The following DMD variants were observed in gnomAD, a reference collection of about 807,000 sequenced individuals.
The protein encoded by DMD is mutant dystrophin.
DMD carries 63 observed loss-of-function variants against 330.1 expected under a neutral mutation model. The ratio of observed to expected loss-of-function variants is 0.19; its 90% confidence interval spans 0.16 to 0.24. The LOEUF is 0.24. DMD is among the 10% of genes least tolerant of loss of function. The pLI is 1.00. For synonymous variants in DMD, 1,223 were observed against 959.8 expected, an observed-to-expected ratio of 1.27 and a Z score of -5.07; for missense variants, 3,344 against 2,684.1, an observed-to-expected ratio of 1.25 and a Z score of -5.43.
chrX:31,956,053 T>C (rs1159036366), intron 45 of DMD, among the ~76,000 whole-genome samples: 1 of 87,687 alleles, frequency 1.1e-5, no homozygotes. Flanking sequence ...AGATCTTCCA[T>C]GAAGTCCCTT....
intron 1 of DMD, among the ~76,000 whole-genome samples, chrX:33,107,300 G>A (rs1223514051): frequency 2.8e-5 from 2 of 71,340 alleles, no homozygotes; most frequent in African/African-American, 5.5e-5. Context: ...CAACAAGAGC[G>A]AAGCTCTGTC....
At chrX:33,048,757 A>C (rs1216719873) in intron 1 of DMD, among the ~76,000 whole-genome samples, 4 of 107,384 alleles carry the variant, frequency 3.7e-5, no homozygotes, top group African/African-American at 1.4e-4. Context: ...AATGAATGAG[A>C]ACTGGTAAAC....
chrX:32,044,541 C>G (rs1430032076), intron 44 of DMD, among the ~76,000 whole-genome samples: 1 of 110,462 alleles, frequency 9.1e-6, no homozygotes, highest in East Asian at 2.8e-4. Flanking sequence ...CCTGCCTCAG[C>G]CTCCCAAGTA....
Position 32,079,331 on chromosome X carries a change from C to T in DMD, c.6439-110817G>A, listed in dbSNP as rs761828206. 7.2e-5 allele frequency among the ~76,000 whole-genome samples: 8 copies of T among 111,587 alleles called. No homozygotes were observed. In the East Asian group the frequency reaches 1.7e-3, roughly 24 times the overall value. On this transcript the variant is annotated intron_variant, in intron 44 of 78. Transcript: ENST00000357033. The stretch of plus-strand genomic sequence containing the variant: ...GTCCTTGCTTGGGCCTGGTGGGTCA[C>T]GCCTGTAAATCCCAGCACTTTGGGA...
chrX:32,520,330 C>A (rs1459633934), intron 17 of DMD, among the ~76,000 whole-genome samples: 1 of 112,002 alleles, frequency 8.9e-6, no homozygotes, highest in Non-Finnish European at 1.9e-5. Context: ...TATTTGATTA[C>A]CTACCCAAAC....
At chrX:32,963,755 G>T (rs1244343624) in intron 2 of DMD, among the ~76,000 whole-genome samples, 3 of 111,171 alleles carry the variant, frequency 2.7e-5, no homozygotes, top group Non-Finnish European at 5.7e-5. Flanking sequence ...GAGAAGTTGG[G>T]GTCAACCAAA....
intron 44 of DMD, among the ~76,000 whole-genome samples, chrX:32,078,652 A>G (rs62590030): frequency 0.28 from 31,400 of 111,014 alleles, 4,365 homozygotes; most frequent in African/African-American, 0.54. Flanking sequence ...CATTAGTGGT[A>G]CTCCTGCCTA....
At chrX:32,548,668 G>A (rs1000129316) in intron 16 of DMD, among the ~76,000 whole-genome samples, 6 of 111,820 alleles carry the variant, frequency 5.4e-5, no homozygotes, top group African/African-American at 1.9e-4. Flanking sequence ...GTATATTTCT[G>A]TATTCCTTTA....
At chrX:32,537,023 A>G (rs1241085680) in intron 17 of DMD, among the ~76,000 whole-genome samples, 1 of 111,785 alleles carries the variant, frequency 8.9e-6, no homozygotes, top group Non-Finnish European at 1.9e-5. Context: ...GTAGAAAAAA[A>G]TAACAAACTA....
intron 53 of DMD, among the ~76,000 whole-genome samples, chrX:31,673,001 C>T (rs1173326857): frequency 8.9e-6 from 1 of 112,344 alleles, no homozygotes; most frequent in Non-Finnish European, 1.9e-5. Context: ...ATCTCTAAGT[C>T]GGGCCAAATA....
In DMD at chrX:32,310,707, C is replaced by T. The variant is rs533655895; in HGVS notation, c.5923-431G>A. The stretch of plus-strand genomic sequence containing the variant: ...ATATCTGTTTTATTCCTAACACAGG[C>T]AACTTTCCTGTATCTATAGGAAAGT... On this transcript the variant is annotated intron_variant, in intron 41 of 78. Transcript: ENST00000357033. 6.3e-5 allele frequency among the ~76,000 whole-genome samples: 7 copies of T among 110,401 alleles called. No individual in the cohort carries two copies. In the South Asian group the frequency reaches 1.9e-3, roughly 30 times the overall value.
chrX:33,041,283 CAGCCTGCGCATGCGCGCCGGCGACCA>C, intron 1 of DMD: 1 of 753,119 alleles, frequency 1.3e-6, no homozygotes, highest in Non-Finnish European at 2.0e-6. Context: ...AGTGGCCGCG[CAGCCTGCGCATGCGCGCCGGCGACCA>C]AGCCTAAATA....
intron 52 of DMD, among the ~76,000 whole-genome samples, chrX:31,681,255 G>A (rs2082364454): frequency 8.9e-6 from 1 of 112,073 alleles, no homozygotes; most frequent in South Asian, 3.7e-4. Flanking sequence ...GTTCTTCTAT[G>A]ATCTTGCCTA....
At chrX:31,459,575 C>T (rs1307751573) in intron 59 of DMD, among the ~76,000 whole-genome samples, 2 of 111,615 alleles carry the variant, frequency 1.8e-5, no homozygotes, top group Non-Finnish European at 3.8e-5. Flanking sequence ...TGCATAATCC[C>T]GGAAAACCAA....
intron 54 of DMD, among the ~76,000 whole-genome samples, chrX:31,645,671 C>A (rs756503781): frequency 8.9e-6 from 1 of 112,218 alleles, no homozygotes; most frequent in African/African-American, 3.2e-5. Flanking sequence ...AGTGCATGTT[C>A]TATGCATAGT....
chrX:32,315,894 CAA>C (rs765690703), intron 41 of DMD, among the ~76,000 whole-genome samples: 3 of 111,956 alleles, frequency 2.7e-5, no homozygotes, highest in African/African-American at 9.7e-5. Flanking sequence ...ACTCTCTGTA[CAA>C]GAGTTCAATT....
intron 55 of DMD, among the ~76,000 whole-genome samples, chrX:31,572,488 T>C (rs1456811291): frequency 8.9e-6 from 1 of 112,261 alleles, no homozygotes; most frequent in East Asian, 2.8e-4. Context: ...AGACATACTC[T>C]GGACACAAAA....
intron 76 of DMD, among the ~76,000 whole-genome samples, chrX:31,138,624 G>GGAGAGGGA (rs2035559525): frequency 1.7e-5 from 1 of 58,774 alleles, no homozygotes; most frequent in African/African-American, 7.6e-5. Flanking sequence ...CATGGCAGCA[G>GGAGAGGGA]GAGAGAGAGA....
chrX:31,194,702 T>C (rs1402264052), intron 67 of DMD, among the ~76,000 whole-genome samples: 1 of 112,257 alleles, frequency 8.9e-6, no homozygotes, highest in Non-Finnish European at 1.9e-5. Flanking sequence ...GAAACCGTTA[T>C]TTCTCCCAAG....
Sources: gnomAD v4.1 joint callset for allele counts (sites outside exome capture counted in the v4.1 genomes callset) on GRCh38, gnomAD v4.1.1 for gene constraint, MANE v1.5 for transcripts, NCBI Gene and HGNC (gene_info 2026-07-23, HGNC 2026-07-21) for gene names.